Variants in FBN1 observed in about 807,000 individuals in gnomAD.
FBN1 encodes fibrillin 1, also known as fibrillin-1.
A neutral mutation model predicts 365.1 loss-of-function variants in FBN1; 29 were observed. The observed-to-expected ratio is 0.08, with a 90% confidence interval of 0.06 to 0.11. FBN1 has a LOEUF of 0.11. Among genes scored for constraint, FBN1 ranks in the 10% least tolerant of loss-of-function variants. The probability of loss-of-function intolerance (pLI) is 1.00; values close to 1 mark genes in which losing one functional copy is unlikely to be tolerated. For synonymous variants in FBN1, 1,210 were observed against 1,270.5 expected (o/e 0.95, Z 1.01); for missense variants, 2,476 against 3,703.2 (o/e 0.67, Z 8.60).
At position 48,487,003 on chromosome 15, in the gene FBN1, AATAACATAAC is replaced by A. The variant is rs72132658; in HGVS notation, c.3589+62_3589+71del. 111 of 1,128,504 alleles carry A rather than the reference AATAACATAAC, an allele frequency of 9.8e-5. No individual in the cohort carries two copies. In the African/African-American group the frequency reaches 1.1e-3, roughly 11 times the overall value. 69.9% of individuals were successfully genotyped at this position (1,128,504 alleles called of 1,614,324 possible). On this transcript the variant is annotated intron_variant, in intron 29 of 65. Coordinates refer to ENST00000316623, the MANE Select transcript of FBN1 (RefSeq NM_000138.5). ...GGAGAGATGAAATAAAATAAAATAA[AATAACATAAC>A]ATAACATAACATAAAATAAAGTAAA...
Position 48,411,301 on chromosome 15 carries a change from A to G in FBN1, c.8305T>C (p.Ser2769Pro). Reference protein sequence around the residue: ...EKTAIFAFNISHVSNKVRILE... With the variant: ...EKTAIFAFNIPHVSNKVRILE... ...ATTCGAACCTTGTTACTGACGTGGG[A>G]AATATTGAAAGCAAAGATGGCTGTC... The change falls in exon 66 of 66, where the codon TCC (serine) becomes CCC (proline). Residue 2769 changes from serine to proline, a missense_variant. Physicochemically the swap from Ser to Pro is moderately conservative, Grantham distance 74. Coordinates refer to ENST00000316623, the MANE Select transcript of FBN1 (RefSeq NM_000138.5). 2 of 1,614,148 alleles carry G rather than the reference A, an allele frequency of 1.2e-6. No individual in the cohort carries two copies. Among genetic ancestry groups the G allele is most frequent in the Non-Finnish European group, 1.7e-6 (2 of 1,180,002 alleles).
chr15:48,634,985 C>G (rs931263779), intron 2 of FBN1, among the ~76,000 whole-genome samples: 3 of 151,550 alleles, frequency 2.0e-5, no homozygotes, highest in Non-Finnish European at 2.9e-5. Flanking sequence ...TGAAACTTGA[C>G]AGCAGACAAT....
chr15:48,521,219 G>A (rs1460542612), intron 9 of FBN1, among the ~76,000 whole-genome samples: 2 of 152,158 alleles, frequency 1.3e-5, no homozygotes, highest in Non-Finnish European at 2.9e-5. Flanking sequence ...AGCCATTTTA[G>A]GAAAATATGT....
intron 16 of FBN1, 142 bp from the exon 17 acceptor site, chr15:48,504,081 G>T (rs2043688208): frequency 9.7e-7 from 1 of 1,027,614 alleles, no homozygotes; most frequent in Non-Finnish European, 1.5e-6. Flanking sequence ...GGCTCCATTT[G>T]AAGAAAAAAT....
At chr15:48,465,885 T>C in intron 38 of FBN1, 27 bp from the exon 39 acceptor site, 1 of 1,518,484 alleles carries the variant, frequency 6.6e-7, no homozygotes, top group Non-Finnish European at 9.1e-7. Context: ...TCAAATTGAG[T>C]TGTTTTGAAT....
chr15:48,606,514 T>A (rs1442247938), intron 4 of FBN1, among the ~76,000 whole-genome samples: 1 of 152,244 alleles, frequency 6.6e-6, no homozygotes, highest in Non-Finnish European at 1.5e-5. Flanking sequence ...ATTCCATTTA[T>A]ATAACATTTG....
At chr15:48,539,389 C>A (rs1180453600) in intron 6 of FBN1, among the ~76,000 whole-genome samples, 1 of 152,192 alleles carries the variant, frequency 6.6e-6, no homozygotes. Flanking sequence ...GAGAGACAGA[C>A]AGGATGGTCC....
chr15:48,635,367 A>G (rs960921037), intron 2 of FBN1, among the ~76,000 whole-genome samples: 1 of 152,238 alleles, frequency 6.6e-6, no homozygotes, highest in Non-Finnish European at 1.5e-5. Flanking sequence ...TTGATATAGT[A>G]TAAGACACCC....
intron 22 of FBN1, among the ~76,000 whole-genome samples, chr15:48,494,847 T>G (rs886923344): frequency 2.0e-5 from 3 of 152,146 alleles, no homozygotes; most frequent in Non-Finnish European, 4.4e-5. Flanking sequence ...TCAGAACCCC[T>G]AACCACAAGG....
chr15:48,544,413 T>C (rs2044080215), intron 6 of FBN1, among the ~76,000 whole-genome samples: 1 of 152,202 alleles, frequency 6.6e-6, no homozygotes, highest in Non-Finnish European at 1.5e-5. Context: ...TAAATGTTTT[T>C]AAAAAGCACT....
intron 6 of FBN1, among the ~76,000 whole-genome samples, chr15:48,576,358 T>C (rs2044347505): frequency 6.6e-6 from 1 of 152,210 alleles, no homozygotes; most frequent in Non-Finnish European, 1.5e-5. Flanking sequence ...AAATTGTCCT[T>C]GACCTCTCAG....
chr15:48,604,624 G>A (rs1213544191), intron 4 of FBN1, among the ~76,000 whole-genome samples: 1 of 152,168 alleles, frequency 6.6e-6, no homozygotes, highest in Non-Finnish European at 1.5e-5. Flanking sequence ...AGTGATAAAG[G>A]TGCTTCCATA....
chr15:48,409,640 T>C lies in FBN1; in HGVS notation c.*1350A>G, dbSNP rs896407852. On this transcript the variant is annotated 3_prime_UTR_variant, in exon 66 of 66. Coordinates refer to ENST00000316623, the MANE Select transcript of FBN1 (RefSeq NM_000138.5). Reference sequence around the variant, plus strand: ...TTATCCCTTTGTAATTAGATGAGCATTGACTAACGAAAGATGTTTAGGGGA... The same window carrying C: ...TTATCCCTTTGTAATTAGATGAGCACTGACTAACGAAAGATGTTTAGGGGA... The C allele has an allele frequency of 5.9e-5, 9 of 152,140 alleles. No individual in the cohort carries two copies. The highest frequency in any genetic ancestry group is 1.9e-4 in the African/African-American group (8 of 41,406). 9.4% of individuals were successfully genotyped at this position (152,140 alleles called of 1,614,324 possible). A position where few individuals can be genotyped will look rare whatever the true frequency, so the allele number is the denominator to read the frequency against.
chr15:48,454,913 T>C (rs946382712), intron 44 of FBN1, among the ~76,000 whole-genome samples: 2 of 152,174 alleles, frequency 1.3e-5, no homozygotes, highest in East Asian at 1.9e-4. Context: ...CTGCTTTGTA[T>C]TCAGGATGTA....
At chr15:48,618,658 C>T (rs898545122) in intron 2 of FBN1, among the ~76,000 whole-genome samples, 12 of 152,192 alleles carry the variant, frequency 7.9e-5, no homozygotes, top group Admixed American at 2.0e-4. Context: ...AGACCAGTAA[C>T]GGTCCATGTC....
intron 6 of FBN1, among the ~76,000 whole-genome samples, chr15:48,589,641 T>A (rs959256963): frequency 2.1e-4 from 27 of 128,502 alleles, no homozygotes; most frequent in African/African-American, 9.7e-4. Context: ...TGAGATGGCG[T>A]CTCGCTCTGT....
At chr15:48,507,634 G>A (rs5017994) in intron 15 of FBN1, among the ~76,000 whole-genome samples, 1,884 of 152,190 alleles carry the variant, frequency 0.012, 40 homozygotes, top group African/African-American at 0.043. Flanking sequence ...TCCATAACAC[G>A]TTTACCAAAG....
intron 17 of FBN1, among the ~76,000 whole-genome samples, chr15:48,502,890 C>T (rs1329006501): frequency 6.6e-6 from 1 of 152,128 alleles, no homozygotes; most frequent in Non-Finnish European, 1.5e-5. Context: ...AATTTGGCTG[C>T]CTGTTGATGG....
At chr15:48,417,383 A>G (rs1417314447) in intron 63 of FBN1, among the ~76,000 whole-genome samples, 1 of 138,402 alleles carries the variant, frequency 7.2e-6, no homozygotes, top group Non-Finnish European at 1.6e-5. Context: ...CTTCCCTCCT[A>G]CCTTCTTTCC....
Sources: allele counts gnomAD v4.1 joint callset (sites outside exome capture counted in the v4.1 genomes callset), GRCh38; gene constraint gnomAD v4.1.1; transcripts MANE v1.5; gene names NCBI Gene and HGNC (gene_info 2026-07-23, HGNC 2026-07-21).